PLCE1: variants seen among roughly 807,000 people sequenced by gnomAD.
PLCE1 encodes the protein 1-phosphatidylinositol 4,5-bisphosphate phosphodiesterase epsilon-1.
Under a neutral mutation model 242.8 loss-of-function variants are expected in PLCE1, and 119 were observed. The observed-to-expected ratio is 0.49, with a 90% CI of 0.42 to 0.57. The LOEUF (loss-of-function observed/expected upper bound fraction) is 0.57, where lower values mean the gene tolerates loss of function less well. PLCE1 is among the 20% of genes least tolerant of loss of function. The pLI is 0.00. For missense variants in PLCE1, 2,441 were observed against 2,788.8 expected (o/e 0.88, Z 2.81); for synonymous variants, 945 against 1,017.4 (o/e 0.93, Z 1.35).
intron 3 of PLCE1, among the ~76,000 whole-genome samples, chr10:94,165,237 A>G (rs2047756549): frequency 6.6e-6 from 1 of 152,194 alleles, no homozygotes; most frequent in African/African-American, 2.4e-5. Flanking sequence ...GGTGGAGTGT[A>G]CACAGGCAGG....
chr10:94,296,454 TTC>T (rs1178561367), intron 23 of PLCE1, among the ~76,000 whole-genome samples: 1 of 152,172 alleles, frequency 6.6e-6, no homozygotes, highest in East Asian at 1.9e-4. Flanking sequence ...TTACTGTAGC[TTC>T]TCCATCAGTA....
At chr10:94,278,078 C>T (rs1171208539) in intron 19 of PLCE1, among the ~76,000 whole-genome samples, 1 of 152,140 alleles carries the variant, frequency 6.6e-6, no homozygotes, top group Non-Finnish European at 1.5e-5. Flanking sequence ...TAATACATTT[C>T]ATCTGGATAT....
intron 1 of PLCE1, among the ~76,000 whole-genome samples, chr10:94,015,130 G>A (rs1467437717): frequency 2.6e-5 from 4 of 152,200 alleles, no homozygotes; most frequent in Non-Finnish European, 5.9e-5. Context: ...CGCAGTTCCT[G>A]TGAAGACTGA....
At chr10:94,063,281 G>T (rs2044110439) in intron 2 of PLCE1, among the ~76,000 whole-genome samples, 1 of 152,198 alleles carries the variant, frequency 6.6e-6, no homozygotes, top group South Asian at 2.1e-4. Flanking sequence ...CTGTGGGAAA[G>T]GGGGGAATTT....
At chr10:94,160,680 A>G (rs1437900780) in intron 3 of PLCE1, among the ~76,000 whole-genome samples, 2 of 152,198 alleles carry the variant, frequency 1.3e-5, no homozygotes, top group Admixed American at 1.3e-4. Flanking sequence ...TGTTTTAGAC[A>G]TGAAGTCCTT....
intron 4 of PLCE1, among the ~76,000 whole-genome samples, chr10:94,182,423 C>A (rs2048343263): frequency 6.7e-6 from 1 of 149,148 alleles, no homozygotes; most frequent in Non-Finnish European, 1.5e-5. Flanking sequence ...GCACCACCAC[C>A]CTTGGATAAT....
At chr10:94,325,170 A>C (rs766000535) in intron 32 of PLCE1, 66 bp downstream of exon 32, 48 of 1,103,210 alleles carry the variant, frequency 4.4e-5, no homozygotes, top group Non-Finnish European at 6.1e-5. Flanking sequence ...AGGAAGGCAT[A>C]ATTAGTACAA....
intron 2 of PLCE1, among the ~76,000 whole-genome samples, chr10:94,053,720 A>G (rs149040273): frequency 2.0e-5 from 3 of 152,336 alleles, no homozygotes; most frequent in Non-Finnish European, 2.9e-5. Flanking sequence ...AATAAGGGCC[A>G]GGACTAGGGT....
intron 20 of PLCE1, chr10:94,280,188 C>T: frequency 2.1e-6 from 1 of 474,894 alleles, no homozygotes; most frequent in Non-Finnish European, 3.9e-6. Context: ...AGCAGAGAAA[C>T]CCTGTTTTCA....
At chr10:94,198,345 T>G (rs2048889439) in intron 4 of PLCE1, among the ~76,000 whole-genome samples, 1 of 152,250 alleles carries the variant, frequency 6.6e-6, no homozygotes, top group Non-Finnish European at 1.5e-5. Context: ...TTCCTGCTTC[T>G]ACTTGGCAAA....
At chr10:94,291,242 G>T (rs1335777366) in intron 22 of PLCE1, among the ~76,000 whole-genome samples, 5 of 152,128 alleles carry the variant, frequency 3.3e-5, no homozygotes, top group Non-Finnish European at 7.3e-5. Flanking sequence ...TCCTGCCTCA[G>T]CCTCCCAAGT....
intron 3 of PLCE1, among the ~76,000 whole-genome samples, chr10:94,151,448 C>G (rs550551604): frequency 1.3e-5 from 2 of 152,252 alleles, no homozygotes; most frequent in East Asian, 3.9e-4. Context: ...AGATTTTGGT[C>G]CTGGGGAAAT....
At chr10:94,310,942 T>C (rs1488684781) in intron 27 of PLCE1, among the ~76,000 whole-genome samples, 1 of 152,184 alleles carries the variant, frequency 6.6e-6, no homozygotes, top group Non-Finnish European at 1.5e-5. Context: ...CAAACAGCTA[T>C]AAATTCAGGG....
chr10:94,195,776 T>G (rs1415113040), intron 4 of PLCE1, among the ~76,000 whole-genome samples: 1 of 152,174 alleles, frequency 6.6e-6, no homozygotes, highest in Admixed American at 6.5e-5. Context: ...TTTTGGGAAT[T>G]TCTTTGATAT....
chr10:94,009,550 A>G (rs1376407388), intron 1 of PLCE1, among the ~76,000 whole-genome samples: 1 of 152,216 alleles, frequency 6.6e-6, no homozygotes, highest in African/African-American at 2.4e-5. Context: ...TCCACCATCA[A>G]GTACCAATTC....
chr10:94,144,315 C>CTG (rs750863234), intron 3 of PLCE1, among the ~76,000 whole-genome samples: 39 of 151,786 alleles, frequency 2.6e-4, no homozygotes, highest in Non-Finnish European at 4.1e-4. Flanking sequence ...GTGTGTGTCT[C>CTG]TGTGTGTGTG....
In PLCE1 at chr10:94,284,931, C is replaced by G; in HGVS notation, c.5001C>G (p.Asp1667Glu). The change falls in exon 22 of 33, where the codon GAC becomes GAG. Residue 1667 changes from aspartate to glutamate, a missense_variant. Around this residue, in one of 5 missense-constraint regions of PLCE1, gnomAD observed 1,004 missense variants for 1,322.7 expected, o/e 0.76. Coordinates refer to ENST00000371380, the MANE Select transcript of PLCE1 (RefSeq NM_016341.4). ...GACAGATTGCACCAGAGCTTTCTGACCTTGTAATCTATTGTCAAGCAGTAA... is the reference window on the plus strand; with the variant it reads ...GACAGATTGCACCAGAGCTTTCTGAGCTTGTAATCTATTGTCAAGCAGTAA... ...ESRQIAPELS[D>E]LVIYCQAVKF... is the part of the protein sequence containing the mutation. 3.1e-6 allele frequency: 5 copies of G among 1,607,970 alleles called. No homozygotes were observed. Among genetic ancestry groups the G allele is most frequent in the Non-Finnish European group, 4.3e-6 (5 of 1,174,622 alleles).
chr10:94,211,684 T>C (rs1209541435), intron 4 of PLCE1, among the ~76,000 whole-genome samples: 2 of 152,238 alleles, frequency 1.3e-5, no homozygotes, highest in Non-Finnish European at 2.9e-5. Flanking sequence ...CTTCATGTCT[T>C]GGTTTTAGAG....
At chr10:94,223,351 G>T (rs1045494808) in intron 4 of PLCE1, among the ~76,000 whole-genome samples, 10 of 152,128 alleles carry the variant, frequency 6.6e-5, no homozygotes, top group African/African-American at 2.4e-4. Context: ...TAAAAGGAGG[G>T]ATATAGGGGA....
Sources: gnomAD v4.1 joint callset for allele counts (sites outside exome capture counted in the v4.1 genomes callset) on GRCh38, gnomAD v4.1.1 for gene constraint, gnomAD v4.1.1 regional missense constraint, MANE v1.5 for transcripts, NCBI Gene and HGNC (gene_info 2026-07-23, HGNC 2026-07-21) for gene names.